TEK: variants seen among roughly 807,000 people sequenced by gnomAD.
TEK encodes the protein angiopoietin-1 receptor.
TEK carries 43 observed loss-of-function variants against 131.8 expected under a neutral mutation model. The ratio of observed to expected loss-of-function variants is 0.33; its 90% CI spans 0.26 to 0.42. The LOEUF is 0.42. Among genes scored for constraint, TEK ranks in the 10% least tolerant of loss-of-function variants. The pLI, the probability that TEK is intolerant of heterozygous loss-of-function variation, is 1.00. For synonymous variants in TEK, 580 were observed against 491.6 expected (o/e 1.18, Z -2.38); for missense variants, 1,162 against 1,384.4 (o/e 0.84, Z 2.55).
chr9:27,202,365 A>G (rs1338779343), intron 12 of TEK, among the ~76,000 whole-genome samples: 2 of 152,196 alleles, frequency 1.3e-5, no homozygotes, highest in African/African-American at 2.4e-5. Context: ...TGTTTCTTCT[A>G]CTTAACAGTA....
At position 27,185,476 on chromosome 9, in the gene TEK, C is replaced by A; in HGVS notation, c.1183-9C>A. On this transcript the variant is annotated splice_polypyrimidine_tract_variant and intron_variant, in intron 8 of 22. Coordinates refer to ENST00000380036, the MANE Select transcript of TEK (RefSeq NM_000459.5). ...GAAGTTTTTATTTTTTTGTATTTGACCTTTTCAGCCAAAAGACTTTAACCA... is the reference window on the plus strand; with the variant it reads ...GAAGTTTTTATTTTTTTGTATTTGAACTTTTCAGCCAAAAGACTTTAACCA... The A allele has an allele frequency of 1.2e-6, 2 of 1,613,368 alleles. No individual in the cohort carries two copies. Among genetic ancestry groups the A allele is most frequent in the Non-Finnish European group, 1.7e-6 (2 of 1,179,540 alleles).
chr9:27,219,395 C>CCAAA (rs1024004818), intron 20 of TEK, among the ~76,000 whole-genome samples: 1 of 152,036 alleles, frequency 6.6e-6, no homozygotes, highest in African/African-American at 2.4e-5. Flanking sequence ...GAATAGAAAA[C>CCAAA]CAAACACCAC....
At chr9:27,116,676 A>G (rs1821571997) in intron 1 of TEK, among the ~76,000 whole-genome samples, 1 of 152,182 alleles carries the variant, frequency 6.6e-6, no homozygotes. Context: ...AATCTTTGGT[A>G]TATGGTAAGT....
intron 1 of TEK, among the ~76,000 whole-genome samples, chr9:27,122,191 T>C (rs1009713987): frequency 6.6e-6 from 1 of 152,106 alleles, no homozygotes; most frequent in African/African-American, 2.4e-5. Context: ...GCATTGGAGT[T>C]CCAAAGATAG....
intron 1 of TEK, among the ~76,000 whole-genome samples, chr9:27,141,206 T>C (rs1250473773): frequency 6.6e-6 from 1 of 152,146 alleles, no homozygotes; most frequent in Non-Finnish European, 1.5e-5. Flanking sequence ...TTTTACACTT[T>C]CCTGTTTTTC....
chr9:27,178,321 G>A (rs1235367897), intron 6 of TEK, among the ~76,000 whole-genome samples: 1 of 151,912 alleles, frequency 6.6e-6, no homozygotes, highest in Non-Finnish European at 1.5e-5. Context: ...TGGTCTATAT[G>A]TGTGTTTTTA....
intron 21 of TEK, among the ~76,000 whole-genome samples, chr9:27,225,382 T>C (rs10967783): frequency 0.35 from 53,419 of 151,764 alleles, 9,619 homozygotes; most frequent in African/African-American, 0.41. Flanking sequence ...GTACTGGTAC[T>C]AAAACAGATA....
At chr9:27,152,595 C>CCCT (rs376815851) in intron 1 of TEK, among the ~76,000 whole-genome samples, 1 of 136,152 alleles carries the variant, frequency 7.3e-6, no homozygotes, top group African/African-American at 2.9e-5. Flanking sequence ...ATGAAGCCCC[C>CCCT]CCGCCGCAAA....
rs147053668 is a variant in TEK at position 27,131,910 on chromosome 9, G to A, written c.52+22268G>A. Among the ~76,000 whole-genome samples the A allele has an allele frequency of 2.6e-3, 394 of 152,106 alleles. 3 individuals carry two copies. The highest frequency in any genetic ancestry group is 9.1e-3 in the African/African-American group (377 of 41,486). On this transcript the variant is annotated intron_variant, in intron 1 of 22. Coordinates refer to ENST00000380036, the MANE Select transcript of TEK (RefSeq NM_000459.5). ...ATGAAAGTTATGCATCAAAATGTCA[G>A]CAAGGGTTAAAATGTTCCTTTCTAA...
chr9:27,217,557 G>A (rs1825863510), intron 18 of TEK, 131 bp from the exon 19 acceptor site: 11 of 776,574 alleles, frequency 1.4e-5, no homozygotes, highest in Non-Finnish European at 2.5e-5. Context: ...AACACATGTA[G>A]CTGGGACATA....
intron 17 of TEK, among the ~76,000 whole-genome samples, chr9:27,213,164 C>A (rs558309300): frequency 6.6e-6 from 1 of 152,114 alleles, no homozygotes; most frequent in Non-Finnish European, 1.5e-5. Context: ...TTTCCTAATA[C>A]GTAGCGAGGT....
chr9:27,197,486 C>T lies in TEK; in HGVS notation c.1796C>T (p.Ser599Leu), dbSNP rs756064806. ...ATTAAAGTTCCAGGCAACTTGACTT[C>T]GGTGCTACTTAACAACTTACATCCC... ...QNIKVPGNLT[S>L]VLLNNLHPRE... The change falls in exon 12 of 23, where the codon TCG (serine) becomes TTG (leucine). Residue 599 changes from serine (S) to leucine (L), a missense_variant. By Grantham distance (145) the Ser-to-Leu change is moderately radical. Around this residue, in one of 6 missense-constraint regions of TEK, gnomAD observed 477 missense variants for 471.0 expected, o/e 1.01. Coordinates refer to ENST00000380036, the MANE Select transcript of TEK (RefSeq NM_000459.5). The T allele has an allele frequency of 1.9e-6, 3 of 1,614,014 alleles. No homozygotes were observed. The highest frequency in any genetic ancestry group is 3.3e-5 in the Admixed American group (2 of 60,006).
chr9:27,211,435 T>A (rs1587023540), intron 16 of TEK, among the ~76,000 whole-genome samples: 2 of 19,190 alleles, frequency 1.0e-4, no homozygotes, highest in South Asian at 3.1e-3. Flanking sequence ...TTTCAAGCTT[T>A]TTTTTTTTTT....
chr9:27,146,854 C>G (rs373319772), intron 1 of TEK, among the ~76,000 whole-genome samples: 15 of 151,552 alleles, frequency 9.9e-5, no homozygotes, highest in Admixed American at 3.9e-4. Flanking sequence ...CTCAGCCTCT[C>G]GAGTAGCTGG....
At chr9:27,177,644 G>C (rs962993639) in intron 6 of TEK, among the ~76,000 whole-genome samples, 12 of 152,176 alleles carry the variant, frequency 7.9e-5, no homozygotes, top group East Asian at 1.9e-4. Context: ...CAGCTACTTG[G>C]GGGGCTGAGG....
chr9:27,183,379 T>A lies in TEK; in HGVS notation c.1031-80T>A, dbSNP rs1421800486. ...AGTTCTTGCCCGGTGCATGACTTAC[T>A]AAAGTAGCTATTTTTATTATTACTA... On this transcript the variant is annotated intron_variant, in intron 7 of 22. Transcript: ENST00000380036. 3.3e-6 allele frequency: 5 copies of A among 1,497,958 alleles called. No individual in the cohort carries two copies. The Admixed American group carries it at 8.4e-5, about 25-fold the overall frequency. 92.8% of individuals were successfully genotyped at this position (1,497,958 alleles called of 1,614,324 possible).
At chr9:27,189,430 T>C (rs1182055710) in intron 9 of TEK, among the ~76,000 whole-genome samples, 1 of 152,190 alleles carries the variant, frequency 6.6e-6, no homozygotes, top group African/African-American at 2.4e-5. Context: ...CTGCAACCCA[T>C]TGTAATATCT....
chr9:27,211,524 C>T (rs1448236941), intron 16 of TEK, among the ~76,000 whole-genome samples: 2 of 144,240 alleles, frequency 1.4e-5, no homozygotes, highest in Non-Finnish European at 3.0e-5. Context: ...ACGATGTCAG[C>T]CCACTGCAAC....
At chr9:27,212,993 T>G (rs1825691201) in intron 17 of TEK, 96 bp downstream of exon 17, 2 of 1,320,888 alleles carry the variant, frequency 1.5e-6, no homozygotes, top group South Asian at 2.5e-5. Flanking sequence ...CCTCTCTTCT[T>G]TAACTCCTTC....
Sources: gnomAD v4.1 joint callset for allele counts (sites outside exome capture counted in the v4.1 genomes callset) on GRCh38, gnomAD v4.1.1 for gene constraint, gnomAD v4.1.1 regional missense constraint, MANE v1.5 for transcripts, NCBI Gene and HGNC (gene_info 2026-07-23, HGNC 2026-07-21) for gene names.